The following STX16 variants were observed in gnomAD, a reference collection of about 807,000 sequenced individuals.
STX16 encodes syntaxin 16, also known as syntaxin-16.
Under a neutral mutation model 42.7 loss-of-function variants are expected in STX16, and 28 were observed. The observed-to-expected ratio is 0.66, with a 90% CI of 0.49 to 0.90. STX16 has a LOEUF of 0.90. STX16 is among the 40% of genes least tolerant of loss of function. The pLI, the probability that STX16 is intolerant of heterozygous loss-of-function variation, is 0.00. For synonymous variants in STX16, 156 were observed against 155.2 expected (o/e 1.00, Z -0.04); for missense variants, 361 against 420.9 (o/e 0.86, Z 1.24).
At chr20:58,666,818 G>A (rs141966293) in intron 2 of STX16, among the ~76,000 whole-genome samples, 2 of 152,276 alleles carry the variant, frequency 1.3e-5, no homozygotes, top group African/African-American at 4.8e-5. Flanking sequence ...CAAAATAAGG[G>A]GAAATGTTCC....
intron 2 of STX16, among the ~76,000 whole-genome samples, chr20:58,661,120 T>C (rs1457898334): frequency 1.3e-5 from 2 of 152,108 alleles, no homozygotes; most frequent in African/African-American, 4.8e-5. Context: ...ATGTTGCTAC[T>C]GGCTGAACAG....
rs1314064278 is a variant in STX16, at chr20:58,651,981, G to T, written c.-26G>T. On this transcript the variant is annotated 5_prime_UTR_variant, in exon 1 of 9. Transcript: ENST00000371141. Reference sequence around the variant, plus strand: ...GAATATAAGTGGGCGGGGGGCCCCTGAGAGGGGGGTCGCAAAGGGTGAGAC... The same window carrying T: ...GAATATAAGTGGGCGGGGGGCCCCTTAGAGGGGGGTCGCAAAGGGTGAGAC... 6.2e-7 allele frequency: 1 copy of T among 1,612,668 alleles called. No homozygotes were observed. Among genetic ancestry groups the T allele is most frequent in the Admixed American group, 1.7e-5 (1 of 60,004 alleles).
intron 7 of STX16, among the ~76,000 whole-genome samples, chr20:58,673,054 A>G (rs1454373849): frequency 6.6e-6 from 1 of 152,172 alleles, no homozygotes; most frequent in Non-Finnish European, 1.5e-5. Context: ...CCGTCTTCCA[A>G]TTTAATTGTT....
rs964922152 is a variant in STX16, at chr20:58,677,797, C to G, written c.*1506C>G. 6.6e-6 allele frequency: 1 copy of G among 152,212 alleles called. No homozygotes were observed. Among genetic ancestry groups the G allele is most frequent in the East Asian group, 1.9e-4 (1 of 5,194 alleles). The allele number at this position is 152,212 out of a possible 1,614,324, so 9.4% of individuals were successfully genotyped here. On this transcript the variant is annotated 3_prime_UTR_variant, in exon 9 of 9. Transcript: ENST00000371141. ...ATTCCAGAGATTGAAGTTGTCCAAA[C>G]AGCTCATGGGCTTAGTGTCCAAACC...
At chr20:58,660,281 CTGT>C (rs1291233200) in intron 2 of STX16, among the ~76,000 whole-genome samples, 1 of 152,154 alleles carries the variant, frequency 6.6e-6, no homozygotes, top group Non-Finnish European at 1.5e-5. Flanking sequence ...GAGATTAAAA[CTGT>C]TGTTAATGTT....
intron 8 of STX16, among the ~76,000 whole-genome samples, chr20:58,674,715 A>G (rs9680039): frequency 0.1 from 15,781 of 152,194 alleles, 999 homozygotes; most frequent in African/African-American, 0.17. Context: ...GACCTTGTCT[A>G]TGCAGGGTTT....
intron 2 of STX16, chr20:58,667,238 A>G: frequency 1.7e-6 from 1 of 587,060 alleles, no homozygotes. Context: ...AGTATGTCCA[A>G]GGAAATTAAG....
chr20:58,663,595 G>A (rs1051429524), intron 2 of STX16, among the ~76,000 whole-genome samples: 1 of 152,008 alleles, frequency 6.6e-6, no homozygotes, highest in Non-Finnish European at 1.5e-5. Context: ...AAAGAGGCAA[G>A]AATTCTTAAT....
chr20:58,655,028 A>G (rs2083555714), intron 1 of STX16, among the ~76,000 whole-genome samples: 1 of 152,220 alleles, frequency 6.6e-6, no homozygotes. Flanking sequence ...ATTTGTAAAT[A>G]CATGTCTAAC....
At chr20:58,674,562 G>A (rs1256148083) in intron 8 of STX16, among the ~76,000 whole-genome samples, 5 of 152,024 alleles carry the variant, frequency 3.3e-5, no homozygotes, top group East Asian at 3.9e-4. Flanking sequence ...ACCAGAGATC[G>A]CCCCATTTAA....
chr20:58,671,846 CT>C (rs925782108), intron 7 of STX16, among the ~76,000 whole-genome samples: 2 of 151,816 alleles, frequency 1.3e-5, no homozygotes, highest in African/African-American at 4.8e-5. Context: ...AAATTTGAAA[CT>C]TTTTTTTGAG....
intron 7 of STX16, among the ~76,000 whole-genome samples, chr20:58,673,380 A>G (rs1394697346): frequency 6.6e-6 from 1 of 152,094 alleles, no homozygotes; most frequent in Non-Finnish European, 1.5e-5. Context: ...TGAAACCAAT[A>G]AGGAAACCTC....
intron 2 of STX16, among the ~76,000 whole-genome samples, chr20:58,660,250 G>A (rs2083668792): frequency 6.6e-6 from 1 of 152,188 alleles, no homozygotes; most frequent in Non-Finnish European, 1.5e-5. Context: ...AGTAGCCGGA[G>A]TAAAAGGGTT....
intron 1 of STX16, among the ~76,000 whole-genome samples, chr20:58,659,264 G>A (rs2083645625): frequency 6.6e-6 from 1 of 152,104 alleles, no homozygotes; most frequent in South Asian, 2.1e-4. Context: ...ATGTGGTATT[G>A]TATGTGATAT....
chr20:58,669,501 C>G, intron 5 of STX16, 48 bp downstream of exon 5: 3 of 1,557,054 alleles, frequency 1.9e-6, no homozygotes, highest in Non-Finnish European at 2.6e-6. Context: ...AAGAAAAGCA[C>G]TTTATGTTTT....
In STX16 at chr20:58,673,496, G is replaced by A. The variant is rs539722723; in HGVS notation, c.793-135G>A. 9 of 622,340 alleles carry A rather than the reference G, an allele frequency of 1.4e-5. No individual in the cohort carries two copies. The South Asian group carries it at 1.5e-4, about 11-fold the overall frequency. The allele number at this position is 622,340 out of a possible 1,614,324, so 38.6% of individuals were successfully genotyped here. ...GAGGGTGAACTCCAGAGCCCTCCGT[G>A]TGTACCTGCAGCACACAGGGAAGGA... On this transcript the variant is annotated intron_variant, in intron 7 of 8. Transcript: ENST00000371141.
chr20:58,667,074 A>G, intron 2 of STX16: 1 of 294,666 alleles, frequency 3.4e-6, no homozygotes, highest in Admixed American at 4.9e-5. Context: ...TTTACTGCCT[A>G]GTTTTTTTTT....
chr20:58,673,779 G>A, intron 8 of STX16, 68 bp downstream of exon 8: 2 of 1,168,094 alleles, frequency 1.7e-6, no homozygotes, highest in East Asian at 2.4e-5. Context: ...TGGTAAGAGG[G>A]TTCTTTTCCA....
At chr20:58,653,855 GTT>G (rs749763151) in intron 1 of STX16, among the ~76,000 whole-genome samples, 2 of 141,916 alleles carry the variant, frequency 1.4e-5, no homozygotes, top group African/African-American at 5.1e-5. Flanking sequence ...TAACATGAGG[GTT>G]TTTTTTTTTT....
Sources: gnomAD v4.1 joint callset for allele counts (sites outside exome capture counted in the v4.1 genomes callset) on GRCh38, gnomAD v4.1.1 for gene constraint, MANE v1.5 for transcripts, NCBI Gene and HGNC (gene_info 2026-07-23, HGNC 2026-07-21) for gene names.